The following ZEB1 variants were observed in gnomAD, a reference collection of about 807,000 sequenced individuals.
The protein encoded by ZEB1 is zinc finger E-box-binding homeobox 1.
ZEB1 carries 21 observed loss-of-function variants against 84.9 expected under a neutral mutation model. The observed-to-expected ratio is 0.25, with a 90% CI of 0.18 to 0.36. The LOEUF (loss-of-function observed/expected upper bound fraction) is 0.36. Among genes scored for constraint, ZEB1 ranks in the 10% least tolerant of loss-of-function variants. The pLI is 1.00. For missense variants in ZEB1, 1,104 were observed against 1,330.2 expected, an observed-to-expected ratio of 0.83 and a Z score of 2.65; for synonymous variants, 420 against 471.1, an observed-to-expected ratio of 0.89 and a Z score of 1.41.
chr10:31,502,255 A>G, intron 3 of ZEB1, 93 bp from the exon 4 acceptor site: 3 of 1,252,014 alleles, frequency 2.4e-6, no homozygotes, highest in Non-Finnish European at 3.4e-6. Context: ...GAACAATCAT[A>G]TGTTCTCTCA....
chr10:31,403,665 G>A lies in ZEB1; in HGVS notation c.59-57372G>A, dbSNP rs542168397. On this transcript the variant is annotated intron_variant, in intron 1 of 8. Coordinates refer to ENST00000424869, the MANE Select transcript of ZEB1 (RefSeq NM_001174096.2). The stretch of plus-strand genomic sequence containing the variant: ...AGAATCAACATTCTTACAGATTTTC[G>A]TTTACACTGCCTCCTTTAAAAGATG... 7.2e-5 allele frequency among the ~76,000 whole-genome samples: 11 copies of A among 151,936 alleles called. No homozygotes were observed. In the South Asian group the frequency reaches 8.3e-4, roughly 11 times the overall value.
At chr10:31,377,674 G>A (rs1043380265) in intron 1 of ZEB1, among the ~76,000 whole-genome samples, 17 of 151,592 alleles carry the variant, frequency 1.1e-4, no homozygotes, top group East Asian at 3.8e-4. Flanking sequence ...ATCACTTTGC[G>A]ATCTTTTCAT....
intron 1 of ZEB1, among the ~76,000 whole-genome samples, chr10:31,419,648 A>G (rs1309526967): frequency 6.6e-6 from 1 of 152,136 alleles, no homozygotes; most frequent in Non-Finnish European, 1.5e-5. Context: ...CCATGAGTTA[A>G]GTTGGATATT....
chr10:31,422,251 A>G (rs1450222467), intron 1 of ZEB1, among the ~76,000 whole-genome samples: 1 of 152,192 alleles, frequency 6.6e-6, no homozygotes, highest in Non-Finnish European at 1.5e-5. Context: ...GTAGTAGCAG[A>G]GGATCTTAAT....
chr10:31,526,525 T>C, intron 8 of ZEB1, 147 bp from the exon 9 acceptor site: 2 of 1,007,480 alleles, frequency 2.0e-6, no homozygotes, highest in Non-Finnish European at 2.9e-6. Flanking sequence ...TGCAATATTA[T>C]ATTACAAAGA....
chr10:31,417,641 T>C (rs2055443268), intron 1 of ZEB1, among the ~76,000 whole-genome samples: 1 of 152,172 alleles, frequency 6.6e-6, no homozygotes, highest in Non-Finnish European at 1.5e-5. Flanking sequence ...GTTTCTAATA[T>C]TTACTGTCTT....
intron 1 of ZEB1, among the ~76,000 whole-genome samples, chr10:31,438,777 A>G (rs1455168551): frequency 6.6e-6 from 1 of 152,206 alleles, no homozygotes; most frequent in Non-Finnish European, 1.5e-5. Context: ...CTAGCAGTAC[A>G]CAGGTGCAGT....
intron 1 of ZEB1, among the ~76,000 whole-genome samples, chr10:31,426,508 A>G (rs2056942712): frequency 6.6e-6 from 1 of 152,178 alleles, no homozygotes; most frequent in Non-Finnish European, 1.5e-5. Flanking sequence ...GCACATTCTG[A>G]TTATAGAGTC....
intron 1 of ZEB1, among the ~76,000 whole-genome samples, chr10:31,429,760 T>TTTTTTTA (rs1491537631): frequency 7.2e-6 from 1 of 138,558 alleles, no homozygotes; most frequent in South Asian, 2.3e-4. Context: ...TTTTTTTTTT[T>TTTTTTTA]GAGACGAAGT....
intron 1 of ZEB1, among the ~76,000 whole-genome samples, chr10:31,361,379 G>A (rs1305512191): frequency 6.6e-6 from 1 of 152,204 alleles, no homozygotes; most frequent in Non-Finnish European, 1.5e-5. Flanking sequence ...TTTCAGTAGA[G>A]ACGGAGTTTC....
chr10:31,472,840 C>T (rs1177002729), intron 2 of ZEB1, among the ~76,000 whole-genome samples: 3 of 134,486 alleles, frequency 2.2e-5, no homozygotes, highest in Non-Finnish European at 3.0e-5. Context: ...TCCAGCAGCA[C>T]ATCAAAAAGC....
At position 31,338,979 on chromosome 10, in the gene ZEB1, A is replaced by T. The variant is rs1333429289; in HGVS notation, c.58+19687A>T. 2.0e-5 allele frequency among the ~76,000 whole-genome samples: 3 copies of T among 152,180 alleles called. No individual in the cohort carries two copies. The East Asian group carries it at 5.8e-4, about 29-fold the overall frequency. ...AATTCTCATAGTAAAATAGAGTTAG[A>T]CTGTCAACAGGGAAAATTCTAAGTA... On this transcript the variant is annotated intron_variant, in intron 1 of 8. Coordinates refer to ENST00000424869, the MANE Select transcript of ZEB1 (RefSeq NM_001174096.2).
rs753979846 is a variant in ZEB1, at chr10:31,373,044, A to G, written c.58+53752A>G. On this transcript the variant is annotated intron_variant, in intron 1 of 8. Transcript: ENST00000424869. ...TTTCAGTTTAAATTCTCAACTGGCAATTGGCCGAAAACTCCCATCTGAAGA... is the reference window on the plus strand; with the variant it reads ...TTTCAGTTTAAATTCTCAACTGGCAGTTGGCCGAAAACTCCCATCTGAAGA... 1.1e-4 allele frequency: 105 copies of G among 985,314 alleles called. No homozygotes were observed. The African/African-American group carries it at 1.7e-3, about 16-fold the overall frequency. 61.0% of individuals were successfully genotyped at this position (985,314 alleles called of 1,614,324 possible). A position where few individuals can be genotyped will look rare whatever the true frequency, so the allele number is the denominator to read the frequency against.
chr10:31,326,757 G>C (rs2035585363), intron 1 of ZEB1, among the ~76,000 whole-genome samples: 1 of 152,174 alleles, frequency 6.6e-6, no homozygotes, highest in South Asian at 2.1e-4. Flanking sequence ...AAAATGTGTA[G>C]AATGCTTCAT....
At chr10:31,319,044 C>T, upstream of ZEB1, 1 of 638,538 alleles carries the variant, frequency 1.6e-6, no homozygotes, top group Non-Finnish European at 2.9e-6. Context: ...GCAAACCGCC[C>T]GGTCCCTAGC....
At chr10:31,494,862 G>GC (rs2138985940) in intron 2 of ZEB1, among the ~76,000 whole-genome samples, 1 of 152,074 alleles carries the variant, frequency 6.6e-6, no homozygotes, top group East Asian at 1.9e-4. Flanking sequence ...CTGTATGATA[G>GC]CCCACTATAA....
At chr10:31,331,731 C>CA (rs1790120801) in intron 1 of ZEB1, among the ~76,000 whole-genome samples, 1 of 152,042 alleles carries the variant, frequency 6.6e-6, no homozygotes, top group Non-Finnish European at 1.5e-5. Flanking sequence ...ATATTCCATA[C>CA]AGGGGGAATA....
intron 2 of ZEB1, among the ~76,000 whole-genome samples, chr10:31,472,053 T>C (rs1477055911): frequency 6.7e-6 from 1 of 148,436 alleles, no homozygotes; most frequent in Admixed American, 6.6e-5. Flanking sequence ...CTGGGACACA[T>C]TCAAAGCAGT....
chr10:31,508,281 C>T (rs1179241605), intron 4 of ZEB1, among the ~76,000 whole-genome samples: 1 of 152,088 alleles, frequency 6.6e-6, no homozygotes, highest in African/African-American at 2.4e-5. Flanking sequence ...AGGTGGCTTG[C>T]TTGGGTGCTG....
Sources: allele counts gnomAD v4.1 joint callset (sites outside exome capture counted in the v4.1 genomes callset), GRCh38; gene constraint gnomAD v4.1.1; transcripts MANE v1.5; gene names NCBI Gene and HGNC (gene_info 2026-07-23, HGNC 2026-07-21).